The following C1QTNF7 variants were observed in gnomAD, a reference collection of about 807,000 sequenced individuals.
C1QTNF7 encodes the protein complement C1q tumor necrosis factor-related protein 7.
Under a neutral mutation model 19.6 loss-of-function variants are expected in C1QTNF7, and 15 were observed. That is an observed-to-expected ratio of 0.76 (90% CI 0.51 to 1.18). C1QTNF7 has a LOEUF of 1.18. Ranked by LOEUF, C1QTNF7 falls within the 50% of genes most tolerant of loss-of-function variation. The pLI is 0.00. For missense variants in C1QTNF7, 324 were observed against 359.7 expected (o/e 0.90, Z 0.80); for synonymous variants, 142 against 137.5 (o/e 1.03, Z -0.23).
intron 2 of C1QTNF7, among the ~76,000 whole-genome samples, chr4:15,440,553 G>A (rs1265674037): frequency 6.6e-6 from 1 of 151,846 alleles, no homozygotes; most frequent in Admixed American, 6.6e-5. Context: ...GACTACAGGC[G>A]CGCACCACCA....
chr4:15,371,005 A>T (rs1352069166), intron 1 of C1QTNF7, among the ~76,000 whole-genome samples: 1 of 152,224 alleles, frequency 6.6e-6, no homozygotes, highest in Admixed American at 6.5e-5. Flanking sequence ...GGTTCCTTCA[A>T]CTGAAAATGT....
intron 1 of C1QTNF7, among the ~76,000 whole-genome samples, chr4:15,362,975 G>A (rs1380596043): frequency 6.6e-6 from 1 of 152,136 alleles, no homozygotes; most frequent in African/African-American, 2.4e-5. Context: ...TAAAAAGACT[G>A]GCCCAAATTC....
At chr4:15,339,917 T>C, upstream of C1QTNF7, 1 of 557,110 alleles carries the variant, frequency 1.8e-6, no homozygotes, top group South Asian at 2.1e-5. Context: ...CTTTAAATTA[T>C]AGAAGTTGGC....
upstream of C1QTNF7, among the ~76,000 whole-genome samples, chr4:15,424,451 G>A (rs188924425): frequency 3.9e-5 from 6 of 152,170 alleles, no homozygotes; most frequent in East Asian, 5.8e-4. Flanking sequence ...TGGCTCTTTC[G>A]GGGTGAAGGT....
chr4:15,350,733 T>C (rs16891760), intron 1 of C1QTNF7, among the ~76,000 whole-genome samples: 8,900 of 152,238 alleles, frequency 0.058, 514 homozygotes, highest in Admixed American at 0.19. Flanking sequence ...AGAGAGACTG[T>C]GGTTGTCCAA....
At chr4:15,343,879 T>C (rs924232849) in intron 1 of C1QTNF7, among the ~76,000 whole-genome samples, 2 of 152,222 alleles carry the variant, frequency 1.3e-5, no homozygotes, top group African/African-American at 4.8e-5. Context: ...ATTTGGCAGA[T>C]GAGAAAACTA....
At chr4:15,339,961 A>T in exon 1 of C1QTNF7, 1 of 606,688 alleles carries the variant, frequency 1.6e-6, no homozygotes, top group Non-Finnish European at 2.9e-6. Flanking sequence ...AGGTTGTTTA[A>T]ACTGAGAAAG....
chr4:15,438,262 C>T (rs151026297), intron 2 of C1QTNF7, among the ~76,000 whole-genome samples: 2 of 152,132 alleles, frequency 1.3e-5, no homozygotes, highest in African/African-American at 4.8e-5. Flanking sequence ...TACATAACAG[C>T]TCAGAAAGAA....
intron 1 of C1QTNF7, among the ~76,000 whole-genome samples, chr4:15,346,315 G>A (rs572919248): frequency 2.6e-5 from 4 of 152,042 alleles, no homozygotes; most frequent in African/African-American, 9.7e-5. Flanking sequence ...AGAGAAAATT[G>A]GTTCTAATTA....
intron 1 of C1QTNF7, among the ~76,000 whole-genome samples, chr4:15,377,792 G>T (rs1717997352): frequency 6.6e-6 from 1 of 152,074 alleles, no homozygotes; most frequent in Non-Finnish European, 1.5e-5. Flanking sequence ...CTTTCTAACT[G>T]CAAGGCTCCA....
In C1QTNF7 at chr4:15,435,591, A is replaced by G. The variant is rs1712496376; in HGVS notation, c.-8-145A>G. On this transcript the variant is annotated intron_variant, in intron 1 of 2. Transcript: ENST00000444304. Reference sequence around the variant, plus strand: ...AATTTTCAATGGAATTATGAAGGTAAACAGTGTTTTACATGTCTGGAAAGA... The same window carrying G: ...AATTTTCAATGGAATTATGAAGGTAGACAGTGTTTTACATGTCTGGAAAGA... 1.2e-5 allele frequency: 14 copies of G among 1,143,930 alleles called. No homozygotes were observed. In the South Asian group the frequency reaches 2.3e-4, roughly 18 times the overall value. 70.9% of individuals were successfully genotyped at this position (1,143,930 alleles called of 1,614,324 possible).
At chr4:15,341,567 G>C (rs760578914) in intron 1 of C1QTNF7, among the ~76,000 whole-genome samples, 9 of 152,112 alleles carry the variant, frequency 5.9e-5, no homozygotes, top group Non-Finnish European at 1.2e-4. Flanking sequence ...CGAGTGACCC[G>C]CGACTGCCAA....
chr4:15,349,645 C>A (rs1716838027), intron 1 of C1QTNF7, among the ~76,000 whole-genome samples: 1 of 152,088 alleles, frequency 6.6e-6, no homozygotes, highest in Non-Finnish European at 1.5e-5. Flanking sequence ...CTTAAAGTGA[C>A]CCGTGTATTC....
At chr4:15,374,223 G>T (rs897419800) in intron 1 of C1QTNF7, 2 of 152,158 alleles carry the variant, frequency 1.3e-5, no homozygotes, top group South Asian at 2.1e-4. Flanking sequence ...CCTGGGCATC[G>T]TTTCTTTCTA....
intron 1 of C1QTNF7, among the ~76,000 whole-genome samples, chr4:15,342,435 A>G (rs1036494927): frequency 3.3e-5 from 5 of 152,232 alleles, no homozygotes; most frequent in African/African-American, 1.2e-4. Context: ...ACTCTGTGCC[A>G]GATACTTTAT....
chr4:15,426,207 C>T (rs13152775), upstream of C1QTNF7, among the ~76,000 whole-genome samples: 40,532 of 151,932 alleles, frequency 0.27, 6,197 homozygotes, highest in Middle Eastern at 0.35. Context: ...AAAATAAGAC[C>T]CCGTCCTTGG....
intron 1 of C1QTNF7, among the ~76,000 whole-genome samples, chr4:15,343,381 C>T (rs766715487): frequency 6.6e-6 from 1 of 151,986 alleles, no homozygotes. Context: ...AAATTCTCTT[C>T]TGTATTTCTA....
chr4:15,380,906 G>C (rs888364800), intron 1 of C1QTNF7, among the ~76,000 whole-genome samples: 1 of 151,880 alleles, frequency 6.6e-6, no homozygotes, highest in African/African-American at 2.4e-5. Context: ...CTACACTCCA[G>C]CCTGGGCAAC....
chr4:15,416,356 C>T (rs762216031), intron 1 of C1QTNF7, among the ~76,000 whole-genome samples: 83 of 152,210 alleles, frequency 5.5e-4, no homozygotes, highest in Non-Finnish European at 9.6e-4. Context: ...TGGCACTGGG[C>T]AGACAGGGTT....
Sources: gnomAD v4.1 joint callset for allele counts (sites outside exome capture counted in the v4.1 genomes callset) on GRCh38, gnomAD v4.1.1 for gene constraint, MANE v1.5 for transcripts, NCBI Gene and HGNC (gene_info 2026-07-23, HGNC 2026-07-21) for gene names.